Variants in CACNA1E observed in about 807,000 individuals in gnomAD.
The protein encoded by CACNA1E is voltage-dependent R-type calcium channel subunit alpha-1E.
Under a neutral mutation model 259.2 loss-of-function variants are expected in CACNA1E, and 40 were observed. The ratio of observed to expected loss-of-function variants is 0.15; its 90% CI spans 0.12 to 0.20. The LOEUF (loss-of-function observed/expected upper bound fraction) is 0.20. CACNA1E is among the 10% of genes least tolerant of loss of function. The pLI is 1.00. For missense variants in CACNA1E, 1,874 were observed against 3,040.1 expected, an observed-to-expected ratio of 0.62 and a Z score of 9.02; for synonymous variants, 1,104 against 1,138.5, an observed-to-expected ratio of 0.97 and a Z score of 0.61.
chr1:181,355,827 A>T (rs1310447863), intron 1 of CACNA1E, among the ~76,000 whole-genome samples: 1 of 152,196 alleles, frequency 6.6e-6, no homozygotes, highest in Non-Finnish European at 1.5e-5. Flanking sequence ...AGGAGGAGAT[A>T]CTGAGAGTGG....
chr1:181,610,582 T>G (rs1174378302), intron 6 of CACNA1E, among the ~76,000 whole-genome samples: 1 of 152,248 alleles, frequency 6.6e-6, no homozygotes, highest in Non-Finnish European at 1.5e-5. Context: ...TGCTTAAGTT[T>G]GTTGAAAAAT....
rs769048798 is a variant in CACNA1E, at chr1:181,717,124, T to C, written c.1347T>C (p.Ser449=). The change falls in exon 11 of 48, where the codon AGT becomes AGC. Residue 449 remains serine, a synonymous_variant. Coordinates refer to ENST00000367573, the MANE Select transcript of CACNA1E (RefSeq NM_001205293.3). ...GTPLARASIK[S]AKVDGVSYFR... The stretch of plus-strand genomic sequence containing the variant: ...CTCTGGCCCGAGCCAGTATCAAAAG[T>C]GCAAAGGTAGACGGGGTCTCTTATT... 3.1e-6 allele frequency: 5 copies of C among 1,614,036 alleles called. No homozygotes were observed. The Admixed American group carries it at 8.3e-5, about 27-fold the overall frequency.
At chr1:181,704,466 C>T (rs1048906094) in intron 7 of CACNA1E, among the ~76,000 whole-genome samples, 2 of 152,270 alleles carry the variant, frequency 1.3e-5, no homozygotes, top group East Asian at 1.9e-4. Flanking sequence ...CCAAATTCCT[C>T]CTTCCTAAAG....
At chr1:181,774,758 C>T (rs934792477) in intron 37 of CACNA1E, among the ~76,000 whole-genome samples, 1 of 152,266 alleles carries the variant, frequency 6.6e-6, no homozygotes, top group African/African-American at 2.4e-5. Flanking sequence ...TTATCCTGTA[C>T]ACCCTGTCTG....
At chr1:181,345,827 A>G (rs968729290) in intron 1 of CACNA1E, among the ~76,000 whole-genome samples, 3 of 152,188 alleles carry the variant, frequency 2.0e-5, no homozygotes, top group Non-Finnish European at 4.4e-5. Flanking sequence ...CGTCTGACAG[A>G]GGCAGGAGTC....
At position 181,672,983 on chromosome 1, in the gene CACNA1E, C is replaced by T. The variant is rs1324746366; in HGVS notation, c.1055+21542C>T. On this transcript the variant is annotated intron_variant, in intron 7 of 47. Transcript: ENST00000367573. ...GGCCTGGGTTCCCTGAAAGACGACCCCAAGAAAAGAATTGGCTGCAAAAGG... is the reference window on the plus strand; with the variant it reads ...GGCCTGGGTTCCCTGAAAGACGACCTCAAGAAAAGAATTGGCTGCAAAAGG... Among the ~76,000 whole-genome samples, 9 of 151,946 alleles carry T rather than the reference C, an allele frequency of 5.9e-5. No individual in the cohort carries two copies. In the South Asian group the frequency reaches 1.0e-3, roughly 18 times the overall value.
intron 1 of CACNA1E, among the ~76,000 whole-genome samples, chr1:181,320,231 GA>G (rs1288289540): frequency 6.6e-6 from 1 of 151,868 alleles, no homozygotes; most frequent in South Asian, 2.1e-4. Flanking sequence ...GAAGGAAGAG[GA>G]AAAAAAATCC....
intron 1 of CACNA1E, among the ~76,000 whole-genome samples, chr1:181,324,009 T>C (rs913192862): frequency 2.0e-5 from 3 of 152,260 alleles, no homozygotes; most frequent in Non-Finnish European, 4.4e-5. Context: ...AAGCCCCTTA[T>C]GTGAGCTCAG....
chr1:181,545,449 G>T lies in CACNA1E; in HGVS notation c.513-32317G>T, dbSNP rs543984547. On this transcript the variant is annotated intron_variant, in intron 3 of 47. Coordinates refer to ENST00000367573, the MANE Select transcript of CACNA1E (RefSeq NM_001205293.3). The stretch of plus-strand genomic sequence containing the variant: ...GGGAAGACAGTGGTCCAGTTGGTGG[G>T]CTCCCTGTGTCCTGCAGGGCTGTGG... Among the ~76,000 whole-genome samples the T allele has an allele frequency of 2.6e-5, 4 of 152,316 alleles. No individual in the cohort carries two copies. In the East Asian group the frequency reaches 5.8e-4, roughly 22 times the overall value.
At chr1:181,465,034 C>T (rs1175891160) in intron 2 of CACNA1E, among the ~76,000 whole-genome samples, 1 of 152,090 alleles carries the variant, frequency 6.6e-6, no homozygotes, top group Non-Finnish European at 1.5e-5. Flanking sequence ...ATTTCCTCCC[C>T]AAGAAATGTC....
At chr1:181,577,277 T>C (rs2102966329) in intron 3 of CACNA1E, among the ~76,000 whole-genome samples, 1 of 152,382 alleles carries the variant, frequency 6.6e-6, no homozygotes, top group South Asian at 2.1e-4. Context: ...TCAGCATAAT[T>C]GATTTGTTTG....
Position 181,521,941 on chromosome 1 carries a change from G to C in CACNA1E, c.512+10431G>C, listed in dbSNP as rs1033457797. ...CCACAGTGATTGTAATCTAAGAGGG[G>C]TTGGAAAGTAGGCAGGGACCACATC... On this transcript the variant is annotated intron_variant, in intron 3 of 47. Coordinates refer to ENST00000367573, the MANE Select transcript of CACNA1E (RefSeq NM_001205293.3). Among the ~76,000 whole-genome samples the C allele has an allele frequency of 2.6e-5, 4 of 152,252 alleles. No individual in the cohort carries two copies. The South Asian group carries it at 8.3e-4, about 32-fold the overall frequency.
chr1:181,504,124 T>TC (rs984350754), intron 1 of CACNA1E, among the ~76,000 whole-genome samples: 50 of 152,210 alleles, frequency 3.3e-4, no homozygotes, highest in Non-Finnish European at 1.5e-4. Context: ...CATGCCATCC[T>TC]CTGAGGCTGT....
chr1:181,426,849 G>C (rs1430441934), intron 2 of CACNA1E, among the ~76,000 whole-genome samples: 127 of 28,874 alleles, frequency 4.4e-3, no homozygotes, highest in Middle Eastern at 0.025. Flanking sequence ...CCCTTCACAT[G>C]TCAACCCCTT....
chr1:181,441,170 C>A (rs935492421), intron 2 of CACNA1E, among the ~76,000 whole-genome samples: 2 of 151,976 alleles, frequency 1.3e-5, no homozygotes, highest in African/African-American at 4.8e-5. Flanking sequence ...TTTTTTGAGA[C>A]AAAGTCCCAC....
At chr1:181,794,736 G>C in intron 45 of CACNA1E, 128 bp from the exon 46 acceptor site, 1 of 714,622 alleles carries the variant, frequency 1.4e-6, no homozygotes, top group Non-Finnish European at 2.3e-6. Flanking sequence ...AGAGATTCAA[G>C]GGAAGTTACC....
chr1:181,788,311 C>T (rs1661016090), intron 43 of CACNA1E, among the ~76,000 whole-genome samples: 1 of 152,164 alleles, frequency 6.6e-6, no homozygotes, highest in Non-Finnish European at 1.5e-5. Flanking sequence ...AGGCTGGTTC[C>T]TCAGAACCAT....
chr1:181,391,527 G>A (rs1656274805), intron 1 of CACNA1E, among the ~76,000 whole-genome samples: 1 of 152,158 alleles, frequency 6.6e-6, no homozygotes, highest in African/African-American at 2.4e-5. Context: ...GGAATTCAGT[G>A]GGAGGGGCTG....
rs111566336 is a variant in CACNA1E, at chr1:181,807,031, A to T, written c.*8197A>T. 2.6e-5 allele frequency: 4 copies of T among 151,672 alleles called. No homozygotes were observed. The highest frequency in any genetic ancestry group is 5.9e-5 in the Non-Finnish European group (4 of 67,968). The allele number at this position is 151,672 out of a possible 1,614,324, so 9.4% of individuals were successfully genotyped here. Reference sequence around the variant, plus strand: ...CTTTGTGCTGTGTGTGGTAGCTCGTATGTGTTACCCCAGCTATTCAGGAAG... The same window carrying T: ...CTTTGTGCTGTGTGTGGTAGCTCGTTTGTGTTACCCCAGCTATTCAGGAAG... On this transcript the variant is annotated 3_prime_UTR_variant, in exon 48 of 48. Coordinates refer to ENST00000367573, the MANE Select transcript of CACNA1E (RefSeq NM_001205293.3).
Sources: gnomAD v4.1 joint callset for allele counts (sites outside exome capture counted in the v4.1 genomes callset) on GRCh38, gnomAD v4.1.1 for gene constraint, MANE v1.5 for transcripts, NCBI Gene and HGNC (gene_info 2026-07-23, HGNC 2026-07-21) for gene names.